HTT: variants seen among roughly 807,000 people sequenced by gnomAD.
HTT encodes the protein huntingtin, also known as huntington disease protein.
A neutral mutation model predicts 362.3 loss-of-function variants in HTT; 104 were observed. The ratio of observed to expected loss-of-function variants is 0.29; its 90% confidence interval spans 0.24 to 0.34. The LOEUF is 0.34. HTT is among the 10% of genes least tolerant of loss of function. HTT has a pLI of 1.00. For synonymous variants in HTT, 1,577 were observed against 1,548.7 expected, an observed-to-expected ratio of 1.02 and a Z score of -0.43; for missense variants, 3,301 against 3,928.6, an observed-to-expected ratio of 0.84 and a Z score of 4.27.
intron 39 of HTT, chr4:3,188,702 G>T (rs1718881324): frequency 2.8e-6 from 1 of 357,512 alleles, no homozygotes; most frequent in Non-Finnish European, 5.1e-6. Flanking sequence ...TTGTATTTGT[G>T]TAATGGTGTA....
chr4:3,196,593 C>T (rs1719266906), intron 40 of HTT, among the ~76,000 whole-genome samples: 1 of 152,008 alleles, frequency 6.6e-6, no homozygotes, highest in South Asian at 2.1e-4. Context: ...CAAAAATTAG[C>T]TGGGCATGGT....
In HTT at chr4:3,241,563, G is replaced by A. The variant is rs116419279; in HGVS notation, c.*1504G>A. The A allele has an allele frequency of 0.012, 1,885 of 152,436 alleles. 18 individuals are homozygous for A. Among genetic ancestry groups the A allele is most frequent in the Non-Finnish European group, 0.021 (1,421 of 68,086 alleles). 9.4% of individuals were successfully genotyped at this position (152,436 alleles called of 1,614,324 possible). ...GGCGAGCCAGGCAAGGTTGGCGACT[G>A]TCATGTGGCTTGGTTTGGTCATGCC... On this transcript the variant is annotated 3_prime_UTR_variant, in exon 67 of 67. Coordinates refer to ENST00000355072, the MANE Select transcript of HTT (RefSeq NM_001388492.1).
chr4:3,111,298 G>A (rs10012793), intron 6 of HTT, among the ~76,000 whole-genome samples: 33,725 of 151,344 alleles, frequency 0.22, 6,246 homozygotes, highest in African/African-American at 0.52. Flanking sequence ...GGTTCAAGCA[G>A]TTCTCCTGCC....
In HTT at chr4:3,074,908, AGCAGCAGCAGCAGCAGCAG is replaced by A. The variant is rs775594517; in HGVS notation, c.84_102del (p.Gln28HisfsTer67). On this transcript the variant is annotated frameshift_variant, in exon 1 of 67. Coordinates refer to ENST00000355072, the MANE Select transcript of HTT (RefSeq NM_001388492.1). LOFTEE classifies it high-confidence loss of function. ...CAGCAGCAGCAGCAGCAGCAGCAGCAGCAGCAGCAGCAGCAGCAGCAGCAGCAACAGCCGCCACCGCCGC... is the reference window on the plus strand; with the variant it reads ...CAGCAGCAGCAGCAGCAGCAGCAGCACAGCAGCAACAGCCGCCACCGCCGC... 225 of 1,506,600 alleles carry A rather than the reference AGCAGCAGCAGCAGCAGCAG, an allele frequency of 1.5e-4. 1 individual carries two copies. The East Asian group carries it at 3.1e-3, about 21-fold the overall frequency. The allele number at this position is 1,506,600 out of a possible 1,614,324, so 93.3% of individuals were successfully genotyped here.
chr4:3,187,634 T>G lies in HTT; in HGVS notation c.4990-17T>G, dbSNP rs1274339738. 1 of 1,569,400 alleles carries G rather than the reference T, an allele frequency of 6.4e-7. No individual in the cohort carries two copies. Among genetic ancestry groups the G allele is most frequent in the Non-Finnish European group, 8.8e-7 (1 of 1,140,934 alleles). ...CTTTTTTCTTCAGCTGTGACTTATG[T>G]ATTATGTTTATTTTAGGCGTCCGTG... On this transcript the variant is annotated splice_polypyrimidine_tract_variant and intron_variant, in intron 38 of 66. Transcript: ENST00000355072.
Position 3,225,641 on chromosome 4 carries a change from C to T in HTT, c.7766-20C>T. ...CTGCCCCCCTGTGCAGATCAAGACTCAGGGTGCTGGTGTTCACAGGTGCCC... is the reference window on the plus strand; with the variant it reads ...CTGCCCCCCTGTGCAGATCAAGACTTAGGGTGCTGGTGTTCACAGGTGCCC... On this transcript the variant is annotated intron_variant, in intron 56 of 66. Coordinates refer to ENST00000355072, the MANE Select transcript of HTT (RefSeq NM_001388492.1). 2 of 1,611,110 alleles carry T rather than the reference C, an allele frequency of 1.2e-6. No individual in the cohort carries two copies. The highest frequency in any genetic ancestry group is 1.7e-6 in the Non-Finnish European group (2 of 1,177,466).
At chr4:3,199,288 T>C (rs1719414015) in intron 40 of HTT, among the ~76,000 whole-genome samples, 4 of 152,210 alleles carry the variant, frequency 2.6e-5, no homozygotes, top group African/African-American at 9.6e-5. Context: ...CACGCCTTAA[T>C]CCCAGCACTT....
rs926385369 is a variant in HTT at position 3,219,660 on chromosome 4, C to T, written c.7243-522C>T. ...GGCATGTAAGCTGAGCTGGCCAGAC[C>T]GTGAGCTGATCCTGCCACTTGAACA... On this transcript the variant is annotated intron_variant, in intron 52 of 66. Transcript: ENST00000355072. Among the ~76,000 whole-genome samples, 8 of 152,252 alleles carry T rather than the reference C, an allele frequency of 5.3e-5. No individual in the cohort carries two copies. In the East Asian group the frequency reaches 7.7e-4, roughly 15 times the overall value.
At chr4:3,076,552 C>T (rs567117588) in intron 1 of HTT, among the ~76,000 whole-genome samples, 1 of 152,150 alleles carries the variant, frequency 6.6e-6, no homozygotes, top group African/African-American at 2.4e-5. Flanking sequence ...AATTTTAAAA[C>T]AATTTGGCTT....
At chr4:3,156,610 T>C (rs1272060231) in intron 27 of HTT, among the ~76,000 whole-genome samples, 1 of 152,250 alleles carries the variant, frequency 6.6e-6, no homozygotes, top group Non-Finnish European at 1.5e-5. Context: ...TTGTATATAG[T>C]GCTTGGCACT....
chr4:3,206,424 C>G lies in HTT; in HGVS notation c.5719-72C>G. 1.6e-6 allele frequency: 2 copies of G among 1,217,050 alleles called. No individual in the cohort carries two copies. Among genetic ancestry groups the G allele is most frequent in the African/African-American group, 3.0e-5 (2 of 66,776 alleles). The allele number at this position is 1,217,050 out of a possible 1,614,324, so 75.4% of individuals were successfully genotyped here. ...TTTTCTCCTTCTTACCCTTTCTGGC[C>G]TTTCTATGGCATTAATACCTGGTCT... On this transcript the variant is annotated intron_variant, in intron 42 of 66. Coordinates refer to ENST00000355072, the MANE Select transcript of HTT (RefSeq NM_001388492.1). This position sits in a 1 kb window ranked among gnomAD's most constrained non-coding sequence, Gnocchi z 4.6.
chr4:3,167,556 C>G (rs1260127531), intron 29 of HTT, among the ~76,000 whole-genome samples: 1 of 151,852 alleles, frequency 6.6e-6, no homozygotes, highest in Non-Finnish European at 1.5e-5. Context: ...GTAAGATTTT[C>G]TTTTTTGTAT....
chr4:3,084,010 A>G (rs552691193), intron 1 of HTT, among the ~76,000 whole-genome samples: 6 of 152,164 alleles, frequency 3.9e-5, no homozygotes, highest in Non-Finnish European at 8.8e-5. Context: ...AAGGTTATAC[A>G]TACTGTATGA....
intron 35 of HTT, among the ~76,000 whole-genome samples, chr4:3,179,841 G>T (rs754292724): frequency 1.3e-4 from 20 of 151,768 alleles, no homozygotes; most frequent in Middle Eastern, 3.4e-3. Flanking sequence ...TCACTGAGGG[G>T]GTCAGAGTGT....
At position 3,122,894 on chromosome 4, in the gene HTT, G is replaced by A; in HGVS notation, c.1279G>A (p.Gly427Arg). ...TCACTTTCTGTGATTTGCAGCTGGA[G>A]GGGGTTCCTCATGCAGCCCTGTCCT... ...SGSIVELIAG[G>R]GSSCSPVLSR... Residue 427 changes from glycine (G) to arginine (R), a missense_variant, in exon 10 of 67, where the codon GGG becomes AGG. By Grantham distance (125) the Gly-to-Arg change is moderately radical. Coordinates refer to ENST00000355072, the MANE Select transcript of HTT (RefSeq NM_001388492.1). The A allele has an allele frequency of 1.2e-6, 2 of 1,609,668 alleles. No individual in the cohort carries two copies. The highest frequency in any genetic ancestry group is 1.7e-6 in the Non-Finnish European group (2 of 1,177,458).
Position 3,115,348 on chromosome 4 carries a change from C to G in HTT, c.792C>G (p.Pro264=). 2 of 1,614,162 alleles carry G rather than the reference C, an allele frequency of 1.2e-6. No homozygotes were observed. The highest frequency in any genetic ancestry group is 2.2e-5 in the South Asian group (2 of 91,074). ...TAGCGAACCTGAAGTCAAGCTCCCC[C>G]ACCATTCGGCGGACAGCGGCTGGAT... ...AFIANLKSSS[P]TIRRTAAGSA... is the part of the protein sequence containing the mutation. Residue 264 remains proline, a synonymous_variant, in exon 7 of 67, where the codon CCC becomes CCG. Transcript: ENST00000355072.
Position 3,235,569 on chromosome 4 carries a change from G to T in HTT, c.8576G>T (p.Cys2859Phe). The T allele has an allele frequency of 6.2e-7, 1 of 1,613,876 alleles. No individual in the cohort carries two copies. Among genetic ancestry groups the T allele is most frequent in the Non-Finnish European group, 8.5e-7 (1 of 1,179,942 alleles). The change falls in exon 63 of 67, where the codon TGT becomes TTT. Residue 2859 changes from cysteine to phenylalanine, a missense_variant. Cys to Phe is a radical substitution (Grantham distance 205). Transcript: ENST00000355072. ...GAGGCCTTTCTCCCTGTGCAGATGT[G>T]TGGGGTGATGCTGTCTGGAAGTGAG... ...PEFSASIIQMCGVMLSGSEES... is the reference protein window; with the variant it reads ...PEFSASIIQMFGVMLSGSEES...
chr4:3,134,525 C>G lies in HTT; in HGVS notation c.2618C>G (p.Ala873Gly), dbSNP rs763251849. Residue 873 changes from alanine (A) to glycine (G), a missense_variant, in exon 19 of 67, where the codon GCA (alanine) becomes GGA (glycine). Physicochemically the swap from Ala to Gly is moderately conservative, Grantham distance 60. Coordinates refer to ENST00000355072, the MANE Select transcript of HTT (RefSeq NM_001388492.1). Reference sequence around the variant, plus strand: ...AGGACAGAGCTTCTGGAAACCCTTGCAGAGATTGACTTCAGGTAAGTGAGT... The same window carrying G: ...AGGACAGAGCTTCTGGAAACCCTTGGAGAGATTGACTTCAGGTAAGTGAGT... Reference protein sequence around the residue: ...LVRTELLETLAEIDFRLVSFL... With the variant: ...LVRTELLETLGEIDFRLVSFL... 4 of 1,613,170 alleles carry G rather than the reference C, an allele frequency of 2.5e-6. No homozygotes were observed. The highest frequency in any genetic ancestry group is 3.4e-6 in the Non-Finnish European group (4 of 1,179,594).
In HTT at chr4:3,142,900, T is replaced by A; in HGVS notation, c.3066+14T>A. The A allele has an allele frequency of 6.2e-7, 1 of 1,610,082 alleles. No homozygotes were observed. Among genetic ancestry groups the A allele is most frequent in the Non-Finnish European group, 8.5e-7 (1 of 1,176,854 alleles). ...AGAGCACTCACAGTAAGTCTCTTTCTTGATCGGTCTTACTGACATTGTAAT... is the reference window on the plus strand; with the variant it reads ...AGAGCACTCACAGTAAGTCTCTTTCATGATCGGTCTTACTGACATTGTAAT... On this transcript the variant is annotated intron_variant, in intron 23 of 66. Coordinates refer to ENST00000355072, the MANE Select transcript of HTT (RefSeq NM_001388492.1).
Sources: gnomAD v4.1 joint callset for allele counts (sites outside exome capture counted in the v4.1 genomes callset) on GRCh38, gnomAD v4.1.1 for gene constraint, Gnocchi (gnomAD v3.1) non-coding constraint, MANE v1.5 for transcripts, NCBI Gene and HGNC (gene_info 2026-07-23, HGNC 2026-07-21) for gene names.